The following ADGRE2 variants were observed in gnomAD, a reference collection of about 807,000 sequenced individuals.
ADGRE2 encodes the protein CD97 antigen.
In ADGRE2, 83 loss-of-function variants were observed where a neutral mutation model predicts 100.8. The ratio of observed to expected loss-of-function variants is 0.82; its 90% CI spans 0.69 to 0.99. The LOEUF (loss-of-function observed/expected upper bound fraction) is 0.99. Among genes scored for constraint, ADGRE2 ranks in the 50% least tolerant of loss-of-function variants. The pLI is 0.00. For synonymous variants in ADGRE2, 355 were observed against 413.0 expected, an observed-to-expected ratio of 0.86 and a Z score of 1.70; for missense variants, 814 against 1,035.7, an observed-to-expected ratio of 0.79 and a Z score of 2.94.
intron 20 of ADGRE2, among the ~76,000 whole-genome samples, chr19:14,739,605 T>C (rs2147102440): frequency 6.6e-6 from 1 of 152,280 alleles, no homozygotes; most frequent in East Asian, 1.9e-4. Context: ...TATATGGGTA[T>C]GAGAGACAGA....
chr19:14,746,374 T>G lies in ADGRE2; in HGVS notation c.2092-51A>C, dbSNP rs374161703. The stretch of plus-strand genomic sequence containing the variant: ...TGAATAGATTTTGAAACCTGTTATC[T>G]CTTTTTTTTTTTTTTTCAGACAGGG... On this transcript the variant is annotated intron_variant, in intron 17 of 20. Transcript: ENST00000315576. 5.4e-5 allele frequency: 50 copies of G among 925,486 alleles called. No individual in the cohort carries two copies. In the African/African-American group the frequency reaches 9.6e-4, roughly 18 times the overall value. 57.3% of individuals were successfully genotyped at this position (925,486 alleles called of 1,614,324 possible).
At chr19:14,766,780 G>A (rs1568617219) in intron 6 of ADGRE2, among the ~76,000 whole-genome samples, 198 bp downstream of exon 6, 1 of 152,242 alleles carries the variant, frequency 6.6e-6, no homozygotes, top group African/African-American at 2.4e-5. Flanking sequence ...GGCACTCCAA[G>A]CCCTGAAGGC....
chr19:14,766,901 C>T (rs2044002598), intron 6 of ADGRE2, 77 bp downstream of exon 6: 15 of 1,532,306 alleles, frequency 9.8e-6, no homozygotes, highest in South Asian at 6.0e-5. Context: ...CCCTCCTCCT[C>T]GGCTGCTTTG....
chr19:14,776,975 T>TACACACAC, intron 1 of ADGRE2, 48 bp from the exon 2 acceptor site: 1 of 640,890 alleles, frequency 1.6e-6, no homozygotes, highest in Non-Finnish European at 2.1e-6. Context: ...CCAGGGGCGC[T>TACACACAC]GCACACACAC....
downstream of ADGRE2, among the ~76,000 whole-genome samples, chr19:14,729,932 G>A (rs532734642): frequency 4.6e-5 from 7 of 152,294 alleles, no homozygotes; most frequent in Non-Finnish European, 8.8e-5. Context: ...CCTGCTAGTT[G>A]TATACTGGAA....
Position 14,778,496 on chromosome 19 carries a change from G to C in ADGRE2, c.-411C>G, listed in dbSNP as rs1231762479. On this transcript the variant is annotated 5_prime_UTR_variant, in exon 1 of 21. Transcript: ENST00000315576. ...GAGAAGGGGCCCTCTTCCGATGCCA[G>C]GCAGGTGCCAAGAAGAGAAGCTTCA... is the stretch of plus-strand genomic sequence containing the variant. 7 of 922,444 alleles carry C rather than the reference G, an allele frequency of 7.6e-6. No homozygotes were observed. Among genetic ancestry groups the C allele is most frequent in the Non-Finnish European group, 9.1e-6 (7 of 772,200 alleles). 57.1% of individuals were successfully genotyped at this position (922,444 alleles called of 1,614,324 possible).
chr19:14,726,475 C>T, the ADGRE2 span, among the ~76,000 whole-genome samples: 40 of 152,254 alleles, frequency 2.6e-4, no homozygotes, highest in Middle Eastern at 3.4e-3. Context: ...CCTTCTTTAC[C>T]GCATGGCCAG....
intron 4 of ADGRE2, among the ~76,000 whole-genome samples, chr19:14,773,407 C>CTTTTT (rs368475089): frequency 2.7e-5 from 3 of 111,554 alleles, no homozygotes; most frequent in South Asian, 3.0e-4. Flanking sequence ...CTCTTTCTGT[C>CTTTTT]TTTTTTTTTT....
At chr19:14,759,953 G>T (rs926504990) in intron 11 of ADGRE2, among the ~76,000 whole-genome samples, 1 of 151,808 alleles carries the variant, frequency 6.6e-6, no homozygotes, top group Non-Finnish European at 1.5e-5. Flanking sequence ...CGAGTAGCTG[G>T]GACTACAGGC....
rs199777112 is a variant in ADGRE2 at position 14,755,282 on chromosome 19, A to C, written c.1417-155T>G. Among the ~76,000 whole-genome samples the C allele has an allele frequency of 4.9e-4, 32 of 65,180 alleles. 1 individual carries two copies. Among genetic ancestry groups the C allele is most frequent in the South Asian group, 1.7e-3 (2 of 1,170 alleles). The allele number at this position is 65,180 out of a possible 152,430, so 42.8% of individuals were successfully genotyped here. On this transcript the variant is annotated intron_variant, in intron 13 of 20. Coordinates refer to ENST00000315576, the MANE Select transcript of ADGRE2 (RefSeq NM_013447.4). ...AACCCCATCTCTACTAAAAAAAAAAAAAAAAAAAAAAAATACAAAAATTAG... is the reference window on the plus strand; with the variant it reads ...AACCCCATCTCTACTAAAAAAAAAACAAAAAAAAAAAAATACAAAAATTAG...
At chr19:14,768,288 G>A (rs1267458319) in intron 5 of ADGRE2, among the ~76,000 whole-genome samples, 1 of 152,222 alleles carries the variant, frequency 6.6e-6, no homozygotes, top group Non-Finnish European at 1.5e-5. Context: ...GTGGGTCCCA[G>A]GCCAGGGTGG....
chr19:14,761,451 A>G (rs1447111738), intron 11 of ADGRE2, among the ~76,000 whole-genome samples: 2 of 151,900 alleles, frequency 1.3e-5, no homozygotes, highest in African/African-American at 2.4e-5. Flanking sequence ...CTGTACCACG[A>G]CTACCTTGTG....
chr19:14,732,400 A>G lies in ADGRE2; in HGVS notation c.*3836T>C, dbSNP rs2042679406. On this transcript the variant is annotated 3_prime_UTR_variant, in exon 21 of 21. Transcript: ENST00000315576. ...CACACTGGGAAACCAAAAAATGTGT[A>G]TGACTTGCTTTATTGCAATATTCAC... The G allele has an allele frequency of 6.6e-6, 1 of 152,250 alleles. No individual in the cohort carries two copies. Among genetic ancestry groups the G allele is most frequent in the East Asian group, 1.9e-4 (1 of 5,192 alleles). 9.4% of individuals were successfully genotyped at this position (152,250 alleles called of 1,614,324 possible).
At position 14,776,740 on chromosome 19, in the gene ADGRE2, A is replaced by AAGACGAGAT. The variant is rs1274163591; in HGVS notation, c.16_17insATCTCGTCT (p.Val5_Phe6insTyrLeuVal). 1 of 1,613,502 alleles carries AAGACGAGAT rather than the reference A, an allele frequency of 6.2e-7. No individual in the cohort carries two copies. The highest frequency in any genetic ancestry group is 1.7e-5 in the Admixed American group (1 of 59,956). On this transcript the variant is annotated inframe_insertion, in exon 2 of 21. Transcript: ENST00000315576. Reference sequence around the variant, plus strand: ...AAAGTACTTACCGAGAAAGACGAGAAAGACGCGGCCTCCCATGGTTCCAGC... The same window carrying AAGACGAGAT: ...AAAGTACTTACCGAGAAAGACGAGAAAGACGAGATAGACGCGGCCTCCCATGGTTCCAGC...
intron 5 of ADGRE2, among the ~76,000 whole-genome samples, chr19:14,770,134 A>G (rs935572792): frequency 2.6e-5 from 4 of 151,854 alleles, no homozygotes; most frequent in Admixed American, 2.6e-4. Flanking sequence ...TTGGAGATGG[A>G]GCCTCGTGGG....
chr19:14,765,194 T>C lies in ADGRE2; in HGVS notation c.906+126A>G, dbSNP rs1161598079. On this transcript the variant is annotated intron_variant, in intron 10 of 20. Transcript: ENST00000315576. Reference sequence around the variant, plus strand: ...ATTAGCTTCCACCAGCCCTGAAAGATGCTGGGAGTCAGACCAGCACCCACT... The same window carrying C: ...ATTAGCTTCCACCAGCCCTGAAAGACGCTGGGAGTCAGACCAGCACCCACT... 8 of 916,054 alleles carry C rather than the reference T, an allele frequency of 8.7e-6. No individual in the cohort carries two copies. The Admixed American group carries it at 1.6e-4, about 18-fold the overall frequency. 56.7% of individuals were successfully genotyped at this position (916,054 alleles called of 1,614,324 possible).
At chr19:14,761,423 A>T (rs909299920) in intron 11 of ADGRE2, among the ~76,000 whole-genome samples, 1 of 152,094 alleles carries the variant, frequency 6.6e-6, no homozygotes, top group African/African-American at 2.4e-5. Context: ...AGACAACAAC[A>T]ACAACAATCA....
At chr19:14,725,959 G>C in the ADGRE2 span, among the ~76,000 whole-genome samples, 81 of 152,280 alleles carry the variant, frequency 5.3e-4, no homozygotes, top group Non-Finnish European at 7.8e-4. Flanking sequence ...GGGTACGGGG[G>C]AATCCAATCC....
At chr19:14,760,539 A>G (rs922299589) in intron 11 of ADGRE2, among the ~76,000 whole-genome samples, 1 of 152,190 alleles carries the variant, frequency 6.6e-6, no homozygotes, top group Non-Finnish European at 1.5e-5. Flanking sequence ...TATATACCCC[A>G]AAGAACTGAA....
Sources: gnomAD v4.1 joint callset for allele counts (sites outside exome capture counted in the v4.1 genomes callset) on GRCh38, gnomAD v4.1.1 for gene constraint, MANE v1.5 for transcripts, NCBI Gene and HGNC (gene_info 2026-07-23, HGNC 2026-07-21) for gene names.